ZNF831: variants seen among roughly 807,000 people sequenced by gnomAD.
The protein encoded by ZNF831 is chromosome 20 open reading frame 174.
In ZNF831, 59 loss-of-function variants were observed where a neutral mutation model predicts 95.8. The observed-to-expected ratio is 0.62, with a 90% CI of 0.50 to 0.77. The LOEUF (loss-of-function observed/expected upper bound fraction) is 0.77, where lower values mean the gene tolerates loss of function less well. Among genes scored for constraint, ZNF831 ranks in the 30% least tolerant of loss-of-function variants. ZNF831 has a pLI of 0.00. For missense variants in ZNF831, 2,205 were observed against 2,164.0 expected (o/e 1.02, Z -0.38); for synonymous variants, 961 against 925.5 (o/e 1.04, Z -0.70).
chr20:59,251,600 G>A (rs1987891341), intron 4 of ZNF831, among the ~76,000 whole-genome samples: 1 of 152,206 alleles, frequency 6.6e-6, no homozygotes. Flanking sequence ...CAGGAAAGAG[G>A]CGAAGAGAAT....
chr20:59,204,569 G>A (rs73915979), intron 3 of ZNF831, among the ~76,000 whole-genome samples: 31 of 152,284 alleles, frequency 2.0e-4, no homozygotes, highest in African/African-American at 7.5e-4. Flanking sequence ...GAAAGTGAGG[G>A]AAATAGCACG....
chr20:59,232,204 C>T (rs1446831250), intron 4 of ZNF831, among the ~76,000 whole-genome samples: 1 of 152,126 alleles, frequency 6.6e-6, no homozygotes, highest in Non-Finnish European at 1.5e-5. Flanking sequence ...ACCTTTAATC[C>T]ATTTCTTCTT....
At chr20:59,182,332 T>A (rs149727668) in intron 1 of ZNF831, among the ~76,000 whole-genome samples, 1 of 152,222 alleles carries the variant, frequency 6.6e-6, no homozygotes, top group Non-Finnish European at 1.5e-5. Flanking sequence ...CAGCAGATTT[T>A]TCCCATTTTG....
rs546706863 is a variant in ZNF831, at chr20:59,202,324, C to CTT, written c.3876-4567_3876-4566dup. Among the ~76,000 whole-genome samples the CTT allele has an allele frequency of 4.4e-3, 522 of 117,858 alleles. 6 individuals are homozygous for CTT. The highest frequency in any genetic ancestry group is 0.016 in the African/African-American group (442 of 27,740). 77.3% of individuals were successfully genotyped at this position (117,858 alleles called of 152,430 possible). ...CTTGCACTTGACTCTTATTTTCAAC[C>CTT]TTTTTTTTTTTTTTTAAAAAAAAAA... is the stretch of plus-strand genomic sequence containing the variant. On this transcript the variant is annotated intron_variant, in intron 3 of 5. Transcript: ENST00000371030.
intron 4 of ZNF831, among the ~76,000 whole-genome samples, chr20:59,207,911 A>C (rs1243396634): frequency 6.6e-6 from 1 of 152,004 alleles, no homozygotes; most frequent in African/African-American, 2.4e-5. Flanking sequence ...TGCTGGGGCA[A>C]CTCTGCCTCC....
intron 4 of ZNF831, among the ~76,000 whole-genome samples, chr20:59,231,178 C>G (rs1480454845): frequency 6.6e-6 from 1 of 152,160 alleles, no homozygotes; most frequent in Non-Finnish European, 1.5e-5. Context: ...AATGAGTTAC[C>G]CGGTCATACT....
chr20:59,200,436 G>A (rs773940202), intron 3 of ZNF831, among the ~76,000 whole-genome samples: 1 of 151,906 alleles, frequency 6.6e-6, no homozygotes, highest in African/African-American at 2.4e-5. Context: ...AATTTTACCA[G>A]TTTTTAAATC....
intron 2 of ZNF831, among the ~76,000 whole-genome samples, chr20:59,147,963 A>G (rs1342616180): frequency 1.3e-5 from 2 of 152,212 alleles, no homozygotes; most frequent in Admixed American, 1.3e-4. Context: ...GTGGCAGCAC[A>G]CTGTTGGGAC....
chr20:59,192,438 CT>C lies in ZNF831; in HGVS notation c.1420del (p.Trp474GlyfsTer60). 4 of 1,607,294 alleles carry C rather than the reference CT, an allele frequency of 2.5e-6. No homozygotes were observed. Among genetic ancestry groups the C allele is most frequent in the Non-Finnish European group, 3.4e-6 (4 of 1,177,148 alleles). On this transcript the variant is annotated frameshift_variant, in exon 2 of 6. Coordinates refer to ENST00000371030, the MANE Select transcript of ZNF831 (RefSeq NM_178457.3). LOFTEE classifies it high-confidence loss of function. The surrounding 1 kb of genome is among the most constrained non-coding windows in gnomAD (Gnocchi z 5.2). ...RRAPGPVRST[W>X]TPPDKSRPLF... Reference sequence around the variant, plus strand: ...GGGCCCCGGGCCCCGTGCGCTCCACCTGGACGCCCCCAGACAAGTCTCGGCC... The same window carrying C: ...GGGCCCCGGGCCCCGTGCGCTCCACCGGACGCCCCCAGACAAGTCTCGGCC...
chr20:59,195,737 C>A lies in ZNF831; in HGVS notation c.3739-132C>A, dbSNP rs762339889. The A allele has an allele frequency of 4.7e-6, 7 of 1,483,404 alleles. No homozygotes were observed. The East Asian group carries it at 1.6e-4, about 35-fold the overall frequency. 91.9% of individuals were successfully genotyped at this position (1,483,404 alleles called of 1,614,324 possible). On this transcript the variant is annotated intron_variant, in intron 2 of 5. Transcript: ENST00000371030. The stretch of plus-strand genomic sequence containing the variant: ...GGTTGAACTTCTCAGGGGCTCAGCC[C>A]GTTTAGCAATGCAGTATTTCCGTTT...
chr20:59,165,741 C>G (rs1344676487), intron 1 of ZNF831, among the ~76,000 whole-genome samples: 1 of 151,242 alleles, frequency 6.6e-6, no homozygotes, highest in Non-Finnish European at 1.5e-5. Context: ...CTTGTAGTTC[C>G]TTTTTTTTTC....
intron 1 of ZNF831, among the ~76,000 whole-genome samples, chr20:59,172,584 AT>A (rs1282376239): frequency 6.6e-6 from 1 of 152,084 alleles, no homozygotes; most frequent in Non-Finnish European, 1.5e-5. Flanking sequence ...CAGCAGGCAT[AT>A]TTCCCATAGT....
At chr20:59,155,583 A>T (rs1460624844) in intron 2 of ZNF831, among the ~76,000 whole-genome samples, 2 of 152,152 alleles carry the variant, frequency 1.3e-5, no homozygotes. Flanking sequence ...ACTGGGAATG[A>T]TTGCCTTGGA....
intron 1 of ZNF831, among the ~76,000 whole-genome samples, chr20:59,140,857 G>A (rs574542250): frequency 6.6e-6 from 1 of 152,254 alleles, no homozygotes; most frequent in South Asian, 2.1e-4. Flanking sequence ...CCCTTTGTCA[G>A]ATATGTGGTT....
intron 1 of ZNF831, among the ~76,000 whole-genome samples, chr20:59,126,483 C>T (rs1198299918): frequency 6.6e-6 from 1 of 152,192 alleles, no homozygotes; most frequent in Admixed American, 6.5e-5. Flanking sequence ...GGTGTGCACA[C>T]TGAAGTTTGT....
rs2146588713 is a variant in ZNF831 at position 59,193,746 on chromosome 20, A to G, written c.2727A>G (p.Ala909=). 2 of 1,609,656 alleles carry G rather than the reference A, an allele frequency of 1.2e-6. No homozygotes were observed. Among genetic ancestry groups the G allele is most frequent in the East Asian group, 4.5e-5 (2 of 44,832 alleles). The change falls in exon 2 of 6, where the codon GCA becomes GCG. Residue 909 remains alanine (A), a synonymous_variant. Transcript: ENST00000371030. ...ACAAGGCTACCCCACTGCATCCTGC[A>G]GCCCCAGCCCCCGCAGAGCACCCCT... ...PRDKATPLHP[A]APAPAEHPSL...
intron 1 of ZNF831, among the ~76,000 whole-genome samples, chr20:59,136,423 C>A (rs940414475): frequency 6.6e-6 from 1 of 152,164 alleles, no homozygotes; most frequent in Admixed American, 6.5e-5. Context: ...GATTGAATAA[C>A]CAGGGGATGT....
At position 59,254,145 on chromosome 20, in the gene ZNF831, G is replaced by GA; in HGVS notation, c.4438dup (p.Thr1480AsnfsTer6). 6.2e-7 allele frequency: 1 copy of GA among 1,614,022 alleles called. No homozygotes were observed. Among genetic ancestry groups the GA allele is most frequent in the Non-Finnish European group, 8.5e-7 (1 of 1,180,000 alleles). On this transcript the variant is annotated frameshift_variant, in exon 6 of 6. Transcript: ENST00000371030. LOFTEE classifies it low-confidence loss of function (END_TRUNC). This position sits in a 1 kb window ranked among gnomAD's most constrained non-coding sequence, Gnocchi z 4.5. Reference sequence around the variant, plus strand: ...AGGCCTTCTTCCTTTGGGTCCAAAGGAACTTTTCCCCACCATGACATTGCT... The same window carrying GA: ...AGGCCTTCTTCCTTTGGGTCCAAAGGAAACTTTTCCCCACCATGACATTGCT...
At chr20:59,232,994 G>GCACGCACA (rs1555834553) in intron 4 of ZNF831, among the ~76,000 whole-genome samples, 6 of 122,990 alleles carry the variant, frequency 4.9e-5, no homozygotes, top group African/African-American at 6.2e-5. Context: ...GGACCCTGAG[G>GCACGCACA]CACACACACA....
Sources: gnomAD v4.1 joint callset for allele counts (sites outside exome capture counted in the v4.1 genomes callset) on GRCh38, gnomAD v4.1.1 for gene constraint, Gnocchi (gnomAD v3.1) non-coding constraint, MANE v1.5 for transcripts, NCBI Gene and HGNC (gene_info 2026-07-23, HGNC 2026-07-21) for gene names.